The following AUTS2 variants were observed in gnomAD, a reference collection of about 807,000 sequenced individuals.
The protein encoded by AUTS2 is activator of transcription and developmental regulator AUTS2.
A neutral mutation model predicts 112.4 loss-of-function variants in AUTS2; 17 were observed. That is an observed-to-expected ratio of 0.15 (90% CI 0.10 to 0.23). The LOEUF is 0.23. Ranked by LOEUF, AUTS2 falls within the 10% of genes least tolerant of loss-of-function variation. The pLI, the probability that AUTS2 is intolerant of heterozygous loss-of-function variation, is 1.00. For missense variants in AUTS2, 1,510 were observed against 1,701.6 expected, an observed-to-expected ratio of 0.89 and a Z score of 1.98; for synonymous variants, 751 against 702.7, an observed-to-expected ratio of 1.07 and a Z score of -1.09.
intron 4 of AUTS2, among the ~76,000 whole-genome samples, chr7:70,184,719 C>G (rs900219495): frequency 1.3e-5 from 2 of 152,038 alleles, no homozygotes; most frequent in African/African-American, 4.8e-5. Flanking sequence ...GAAATTCCTT[C>G]TTATTGATCT....
At chr7:70,337,112 A>G (rs1399676196) in intron 4 of AUTS2, among the ~76,000 whole-genome samples, 1 of 152,162 alleles carries the variant, frequency 6.6e-6, no homozygotes, top group Non-Finnish European at 1.5e-5. Context: ...TCATGCAGTA[A>G]TTAAAATTTG....
intron 5 of AUTS2, among the ~76,000 whole-genome samples, chr7:70,616,819 T>C (rs1804397545): frequency 6.7e-6 from 1 of 149,784 alleles, no homozygotes; most frequent in Non-Finnish European, 1.5e-5. Flanking sequence ...TAGGAATTAT[T>C]AGAGAGGGAA....
In AUTS2 at chr7:70,061,500, G is replaced by A. The variant is rs113125076; in HGVS notation, c.523-56632G>A. Among the ~76,000 whole-genome samples, 649 of 152,264 alleles carry A rather than the reference G, an allele frequency of 4.3e-3. 6 individuals carry two copies. Among genetic ancestry groups the A allele is most frequent in the African/African-American group, 0.015 (617 of 41,560 alleles). Reference sequence around the variant, plus strand: ...AGAGAGGAAGAGAATGGGGCAACATGACCACAATAAATAAAGCAAATAGGT... The same window carrying A: ...AGAGAGGAAGAGAATGGGGCAACATAACCACAATAAATAAAGCAAATAGGT... On this transcript the variant is annotated intron_variant, in intron 2 of 18. Transcript: ENST00000342771.
At chr7:70,500,132 G>T (rs1798712994) in intron 5 of AUTS2, among the ~76,000 whole-genome samples, 1 of 150,420 alleles carries the variant, frequency 6.6e-6, no homozygotes. Context: ...GCACTGCTCT[G>T]CTCCCTTTAC....
At chr7:69,748,907 C>T (rs1787622210) in intron 1 of AUTS2, among the ~76,000 whole-genome samples, 1 of 152,096 alleles carries the variant, frequency 6.6e-6, no homozygotes, top group South Asian at 2.1e-4. Context: ...GAAAATAAAT[C>T]ACTGATAACA....
At chr7:70,025,402 C>G (rs1800470193) in intron 2 of AUTS2, among the ~76,000 whole-genome samples, 1 of 150,974 alleles carries the variant, frequency 6.6e-6, no homozygotes. Flanking sequence ...GGCTATTTTT[C>G]AGTGTTTCAC....
chr7:69,688,431 A>T (rs760953549), intron 1 of AUTS2, among the ~76,000 whole-genome samples: 1 of 152,260 alleles, frequency 6.6e-6, no homozygotes, highest in Non-Finnish European at 1.5e-5. Context: ...CACAGAGTAC[A>T]GGCTGTGCAT....
intron 1 of AUTS2, among the ~76,000 whole-genome samples, chr7:69,820,841 A>G (rs1790958204): frequency 6.6e-6 from 1 of 152,226 alleles, no homozygotes; most frequent in South Asian, 2.1e-4. Flanking sequence ...CACTCCGGAC[A>G]AGAAAAATTA....
At chr7:69,757,188 G>T (rs1787977776) in intron 1 of AUTS2, among the ~76,000 whole-genome samples, 1 of 152,122 alleles carries the variant, frequency 6.6e-6, no homozygotes, top group Non-Finnish European at 1.5e-5. Flanking sequence ...TTAAGTTCTA[G>T]GGATATTGTT....
At chr7:70,477,486 CT>C (rs1469658231) in intron 5 of AUTS2, among the ~76,000 whole-genome samples, 1 of 152,180 alleles carries the variant, frequency 6.6e-6, no homozygotes, top group Non-Finnish European at 1.5e-5. Flanking sequence ...CAAGGTTAAA[CT>C]CCCTAGAAGC....
At chr7:70,657,714 T>C (rs1360950454) in intron 5 of AUTS2, among the ~76,000 whole-genome samples, 1 of 152,196 alleles carries the variant, frequency 6.6e-6, no homozygotes, top group African/African-American at 2.4e-5. Flanking sequence ...GTAGCTGTCA[T>C]CAGGGCTTTT....
intron 4 of AUTS2, among the ~76,000 whole-genome samples, chr7:70,265,169 T>G (rs1422828656): frequency 1.3e-5 from 2 of 152,182 alleles, no homozygotes; most frequent in African/African-American, 2.4e-5. Context: ...TGAAAAAAAT[T>G]TTATAATCAG....
chr7:70,659,832 G>A (rs1806974921), intron 5 of AUTS2, among the ~76,000 whole-genome samples: 3 of 152,210 alleles, frequency 2.0e-5, no homozygotes, highest in African/African-American at 7.2e-5. Context: ...GCAAGTGGCA[G>A]GAGAGAGTGC....
Position 70,746,890 on chromosome 7 carries a change from G to A in AUTS2, c.743-15980G>A, listed in dbSNP as rs912454960. Among the ~76,000 whole-genome samples, 10 of 152,148 alleles carry A rather than the reference G, an allele frequency of 6.6e-5. No homozygotes were observed. The South Asian group carries it at 1.7e-3, about 25-fold the overall frequency. On this transcript the variant is annotated intron_variant, in intron 6 of 18. Coordinates refer to ENST00000342771, the MANE Select transcript of AUTS2 (RefSeq NM_015570.4). ...TTAAGAGCTCACTCAGGGTGCTGGC[G>A]GACAGTGGATTCTGTAACCATTATT...
chr7:70,659,605 T>C (rs767728496), intron 5 of AUTS2, among the ~76,000 whole-genome samples: 2 of 152,144 alleles, frequency 1.3e-5, no homozygotes, highest in Admixed American at 6.5e-5. Flanking sequence ...GTTCAAGTTA[T>C]GGACATTACT....
At chr7:70,259,363 G>A (rs1183048365) in intron 4 of AUTS2, among the ~76,000 whole-genome samples, 4 of 148,896 alleles carry the variant, frequency 2.7e-5, no homozygotes, top group Non-Finnish European at 5.9e-5. Context: ...AGCCTTTTCA[G>A]TTCTTAAACT....
intron 5 of AUTS2, among the ~76,000 whole-genome samples, chr7:70,444,799 G>C (rs1471355241): frequency 2.0e-5 from 3 of 152,112 alleles, no homozygotes; most frequent in Non-Finnish European, 4.4e-5. Flanking sequence ...GGAGACAGCC[G>C]AATGGGGTCT....
intron 4 of AUTS2, among the ~76,000 whole-genome samples, chr7:70,380,798 G>A (rs1367295718): frequency 1.3e-5 from 2 of 152,230 alleles, no homozygotes; most frequent in Non-Finnish European, 2.9e-5. Flanking sequence ...TCAGCTGAAT[G>A]GTGTTTGGCT....
intron 5 of AUTS2, among the ~76,000 whole-genome samples, chr7:70,499,194 C>T (rs1208261636): frequency 6.6e-6 from 1 of 152,100 alleles, no homozygotes; most frequent in South Asian, 2.1e-4. Context: ...TGCATGTGTC[C>T]GCAGGACAGA....
Sources: gnomAD v4.1 joint callset for allele counts (sites outside exome capture counted in the v4.1 genomes callset) on GRCh38, gnomAD v4.1.1 for gene constraint, MANE v1.5 for transcripts, NCBI Gene and HGNC (gene_info 2026-07-23, HGNC 2026-07-21) for gene names.